The following ERBB4 variants were observed in gnomAD, a reference collection of about 807,000 sequenced individuals.
ERBB4 encodes receptor tyrosine-protein kinase erbB-4.
In ERBB4, 42 loss-of-function variants were observed where a neutral mutation model predicts 158.0. The observed-to-expected ratio is 0.27, with a 90% CI of 0.21 to 0.34. The LOEUF (loss-of-function observed/expected upper bound fraction) is 0.34, where lower values mean the gene tolerates loss of function less well. Ranked by LOEUF, ERBB4 falls within the 10% of genes least tolerant of loss-of-function variation. The pLI is 1.00. For synonymous variants in ERBB4, 583 were observed against 558.7 expected, an observed-to-expected ratio of 1.04 and a Z score of -0.61; for missense variants, 1,333 against 1,624.1, an observed-to-expected ratio of 0.82 and a Z score of 3.08.
At chr2:212,519,428 C>T (rs988300519) in intron 1 of ERBB4, among the ~76,000 whole-genome samples, 1 of 151,654 alleles carries the variant, frequency 6.6e-6, no homozygotes, top group Non-Finnish European at 1.5e-5. Flanking sequence ...GTATTGATGG[C>T]TACAGTGGTC....
At chr2:212,053,725 G>T (rs760277430) in intron 2 of ERBB4, among the ~76,000 whole-genome samples, 37 of 151,990 alleles carry the variant, frequency 2.4e-4, no homozygotes, top group Non-Finnish European at 4.9e-4. Context: ...TTAGCTCCGT[G>T]GACTCCCCAA....
intron 3 of ERBB4, among the ~76,000 whole-genome samples, chr2:211,859,201 C>T (rs1053559055): frequency 2.6e-5 from 4 of 152,174 alleles, no homozygotes; most frequent in African/African-American, 9.6e-5. Flanking sequence ...CTTAGTTATT[C>T]AGCAATCAAT....
intron 12 of ERBB4, among the ~76,000 whole-genome samples, chr2:211,692,573 T>C (rs2072862015): frequency 6.6e-6 from 1 of 152,124 alleles, no homozygotes; most frequent in African/African-American, 2.4e-5. Context: ...GTTCCTTGCC[T>C]CTTTCAGCTT....
At chr2:211,758,093 C>T (rs7600261) in intron 4 of ERBB4, among the ~76,000 whole-genome samples, 38,838 of 152,042 alleles carry the variant, frequency 0.26, 5,183 homozygotes, top group Non-Finnish European at 0.3. Flanking sequence ...ATCACTTACA[C>T]GTACAAGCTC....
chr2:211,576,729 CATT>C (rs2067904107), intron 19 of ERBB4, among the ~76,000 whole-genome samples: 1 of 151,968 alleles, frequency 6.6e-6, no homozygotes, highest in Admixed American at 6.6e-5. Context: ...AAATTATAAA[CATT>C]AGTAATTATA....
chr2:211,554,788 A>G (rs2067193707), intron 20 of ERBB4, among the ~76,000 whole-genome samples: 1 of 152,196 alleles, frequency 6.6e-6, no homozygotes, highest in African/African-American at 2.4e-5. Flanking sequence ...CACAGCAATC[A>G]GTCATGATTT....
intron 1 of ERBB4, among the ~76,000 whole-genome samples, chr2:212,526,340 T>C (rs1397670585): frequency 1.3e-5 from 2 of 152,042 alleles, no homozygotes; most frequent in Non-Finnish European, 2.9e-5. Flanking sequence ...AAAAAAATAA[T>C]GAATGCCCCT....
intron 20 of ERBB4, among the ~76,000 whole-genome samples, chr2:211,525,303 G>A (rs781513487): frequency 6.6e-6 from 1 of 152,162 alleles, no homozygotes; most frequent in Non-Finnish European, 1.5e-5. Flanking sequence ...TTCAGGAAAG[G>A]AGAGGGAAAT....
chr2:212,210,081 G>C (rs1044381921), intron 1 of ERBB4, among the ~76,000 whole-genome samples: 2 of 152,076 alleles, frequency 1.3e-5, no homozygotes, highest in African/African-American at 4.8e-5. Flanking sequence ...TTGGGAGCTT[G>C]AGGCCTAATC....
At chr2:212,369,190 G>A (rs1488226819) in intron 1 of ERBB4, among the ~76,000 whole-genome samples, 1 of 152,150 alleles carries the variant, frequency 6.6e-6, no homozygotes. Flanking sequence ...CATAAAAAGA[G>A]ATTAATTTAT....
intron 1 of ERBB4, among the ~76,000 whole-genome samples, chr2:212,511,095 T>C (rs1363722225): frequency 2.6e-5 from 4 of 152,158 alleles, no homozygotes; most frequent in African/African-American, 4.8e-5. Context: ...AAAAAGTTAA[T>C]ATTCTTTCTC....
chr2:211,566,755 A>G (rs571708082), intron 19 of ERBB4, among the ~76,000 whole-genome samples: 10 of 152,296 alleles, frequency 6.6e-5, no homozygotes, highest in African/African-American at 2.2e-4. Flanking sequence ...ATTTAATTAT[A>G]TATTTAATTG....
chr2:211,990,078 C>T (rs2082033535), intron 2 of ERBB4, among the ~76,000 whole-genome samples: 1 of 151,578 alleles, frequency 6.6e-6, no homozygotes, highest in East Asian at 1.9e-4. Flanking sequence ...GATATAAATG[C>T]TCATTAACCC....
intron 2 of ERBB4, among the ~76,000 whole-genome samples, chr2:211,949,279 C>T (rs776433111): frequency 6.6e-6 from 1 of 152,124 alleles, no homozygotes; most frequent in Non-Finnish European, 1.5e-5. Flanking sequence ...TACAACACTT[C>T]AGTGCTTAAA....
chr2:212,174,496 T>C (rs182282710), intron 1 of ERBB4, among the ~76,000 whole-genome samples: 13 of 152,244 alleles, frequency 8.5e-5, no homozygotes, highest in African/African-American at 3.1e-4. Flanking sequence ...TGCACTTCCT[T>C]TCAGTTGAGA....
chr2:211,760,504 T>C (rs2075382944), intron 4 of ERBB4, among the ~76,000 whole-genome samples: 1 of 152,204 alleles, frequency 6.6e-6, no homozygotes, highest in Non-Finnish European at 1.5e-5. Context: ...AGCTATGATA[T>C]TTAATAGGAT....
At chr2:211,860,286 T>C (rs1347654312) in intron 3 of ERBB4, among the ~76,000 whole-genome samples, 2 of 152,192 alleles carry the variant, frequency 1.3e-5, no homozygotes, top group African/African-American at 4.8e-5. Context: ...CCAATTATTT[T>C]CTAACTTTCA....
intron 4 of ERBB4, among the ~76,000 whole-genome samples, chr2:211,784,449 G>C (rs1199634151): frequency 1.3e-5 from 2 of 151,970 alleles, no homozygotes; most frequent in African/African-American, 4.8e-5. Flanking sequence ...TTTTCAAGCT[G>C]GATAATATTT....
At chr2:211,620,770 T>C (rs1013456401) in intron 18 of ERBB4, among the ~76,000 whole-genome samples, 25 of 152,266 alleles carry the variant, frequency 1.6e-4, no homozygotes, top group African/African-American at 6.0e-4. Flanking sequence ...CAGAGAAGAT[T>C]ACTTTATGAA....
Sources: gnomAD v4.1 joint callset for allele counts (sites outside exome capture counted in the v4.1 genomes callset) on GRCh38, gnomAD v4.1.1 for gene constraint, MANE v1.5 for transcripts, NCBI Gene and HGNC (gene_info 2026-07-23, HGNC 2026-07-21) for gene names.